Variants in USP11 observed in about 807,000 individuals in gnomAD.
USP11 encodes the protein ubiquitin carboxyl-terminal hydrolase 11.
In USP11, 5 loss-of-function variants were observed where a neutral mutation model predicts 72.8. The ratio of observed to expected loss-of-function variants is 0.07; its 90% CI spans 0.04 to 0.14. The LOEUF (loss-of-function observed/expected upper bound fraction) is 0.14. USP11 is among the 10% of genes least tolerant of loss of function. USP11 has a pLI of 1.00. For missense variants in USP11, 480 were observed against 794.7 expected (o/e 0.60, Z 4.76); for synonymous variants, 368 against 326.5 (o/e 1.13, Z -1.37).
In USP11 at chrX:47,237,775, G is replaced by GGTGTGT. The variant is rs1428419266; in HGVS notation, c.177-1290_177-1285dup. 2.5e-3 allele frequency among the ~76,000 whole-genome samples: 252 copies of GGTGTGT among 99,193 alleles called. 3 individuals carry two copies. Among genetic ancestry groups the GGTGTGT allele is most frequent in the African/African-American group, 9.8e-3 (242 of 24,817 alleles). 86.1% of individuals were successfully genotyped at this position (99,193 alleles called of 115,157 possible). On this transcript the variant is annotated intron_variant, in intron 1 of 20. Transcript: ENST00000377107. ...GTGTCAGAAATGCCACAGCAGAACA[G>GGTGTGT]GTGTGTGTGTATGTGTGTGTGTGTG... is the stretch of plus-strand genomic sequence containing the variant.
chrX:47,246,993 C>T, intron 17 of USP11, 79 bp from the exon 18 acceptor site: 1 of 1,109,404 alleles, frequency 9.0e-7, no homozygotes, highest in Admixed American at 3.2e-5. Flanking sequence ...TGTACTCCAG[C>T]CTGGGCAACA....
intron 2 of USP11, 72 bp from the exon 3 acceptor site, chrX:47,239,279 T>C: frequency 8.4e-7 from 1 of 1,183,438 alleles, no homozygotes; most frequent in Non-Finnish European, 1.1e-6. Flanking sequence ...AGGTCACTGG[T>C]GGGGTGGCCA....
At chrX:47,242,338 G>A in intron 10 of USP11, 32 bp downstream of exon 10, 2 of 1,205,386 alleles carry the variant, frequency 1.7e-6, no homozygotes, top group African/African-American at 1.7e-5. Context: ...GGGAGATGAT[G>A]ATGGACACAT....
chrX:47,233,597 G>A (rs1602705315), intron 1 of USP11: 4 of 790,429 alleles, frequency 5.1e-6, no homozygotes, highest in South Asian at 5.7e-5. Flanking sequence ...TTGGGGGCGA[G>A]GAGCGGTTTC....
chrX:47,247,951 G>GA lies in USP11; in HGVS notation c.*37dup, dbSNP rs752228966. On this transcript the variant is annotated 3_prime_UTR_variant, in exon 21 of 21. Transcript: ENST00000377107. ...ATTGAGAGCCCTGGGTCCTGCCACAGAAAAAAAAAAAAAAAAGCCCTCTCT... is the reference window on the plus strand; with the variant it reads ...ATTGAGAGCCCTGGGTCCTGCCACAGAAAAAAAAAAAAAAAAAGCCCTCTCT... 0.05 allele frequency: 45,891 copies of GA among 924,940 alleles called. 18 individuals carry two copies. The highest frequency in any genetic ancestry group is 0.056 in the South Asian group (2,067 of 36,626). The allele number at this position is 924,940 out of a possible 1,213,427, so 76.2% of individuals were successfully genotyped here.
chrX:47,241,700 G>A lies in USP11; in HGVS notation c.1179+1G>A, dbSNP rs1293508416. 8.5e-7 allele frequency: 1 copy of A among 1,180,726 alleles called. No homozygotes were observed. The highest frequency in any genetic ancestry group is 1.1e-6 in the Non-Finnish European group (1 of 883,259). ...CGATGCTGCTGGGCGACCGGATCAG[G>A]TAGGCTGCCCCCGCATTTGCAGTCC... On this transcript the variant is annotated splice_donor_variant, in intron 9 of 20. Transcript: ENST00000377107. LOFTEE classifies it high-confidence loss of function.
At chrX:47,241,094 CA>C in intron 7 of USP11, 182 bp from the exon 8 acceptor site, 1 of 563,488 alleles carries the variant, frequency 1.8e-6, no homozygotes, top group Non-Finnish European at 2.8e-6. Flanking sequence ...TCCCTGTTCC[CA>C]CGTTCTTCCT....
At chrX:47,237,688 A>G (rs1485561073) in intron 1 of USP11, among the ~76,000 whole-genome samples, 2 of 111,035 alleles carry the variant, frequency 1.8e-5, no homozygotes, top group Non-Finnish European at 3.8e-5. Flanking sequence ...ATTTCATCAA[A>G]TTTGGTTATT....
At position 47,247,061 on chromosome X, in the gene USP11, T is replaced by G; in HGVS notation, c.2271-11T>G. 8.4e-7 allele frequency: 1 copy of G among 1,189,879 alleles called. No homozygotes were observed. The highest frequency in any genetic ancestry group is 1.1e-6 in the Non-Finnish European group (1 of 888,448). ...AAAAAGTCCGTTTGCTGACTCGGGC[T>G]CTGTCTGTAGGTACTGCCCTTCCTG... On this transcript the variant is annotated splice_polypyrimidine_tract_variant and intron_variant, in intron 17 of 20. Transcript: ENST00000377107.
At chrX:47,242,993 G>A (rs918371039) in intron 12 of USP11, among the ~76,000 whole-genome samples, 5 of 112,035 alleles carry the variant, frequency 4.5e-5, no homozygotes, top group Admixed American at 9.4e-5. Context: ...GCCGGGCGCG[G>A]TGGCTCACGC....
At chrX:47,237,695 TA>T (rs2055379056) in intron 1 of USP11, among the ~76,000 whole-genome samples, 1 of 111,391 alleles carries the variant, frequency 9.0e-6, no homozygotes, top group Admixed American at 9.6e-5. Context: ...CAAATTTGGT[TA>T]TTTTTTAAAA....
chrX:47,238,939 T>A, intron 1 of USP11, 131 bp from the exon 2 acceptor site: 1 of 443,273 alleles, frequency 2.3e-6, no homozygotes, highest in Non-Finnish European at 3.8e-6. Flanking sequence ...TCGAATTTAT[T>A]TTTATATGAT....
chrX:47,237,775 G>GGT lies in USP11; in HGVS notation c.177-1286_177-1285dup, dbSNP rs1428419266. On this transcript the variant is annotated intron_variant, in intron 1 of 20. Coordinates refer to ENST00000377107, the MANE Select transcript of USP11 (RefSeq NM_001371072.1). Reference sequence around the variant, plus strand: ...GTGTCAGAAATGCCACAGCAGAACAGGTGTGTGTGTATGTGTGTGTGTGTG... The same window carrying GGT: ...GTGTCAGAAATGCCACAGCAGAACAGGTGTGTGTGTGTATGTGTGTGTGTGTG... Among the ~76,000 whole-genome samples the GGT allele has an allele frequency of 9.9e-3, 982 of 99,180 alleles. 18 individuals carry two copies. Among genetic ancestry groups the GGT allele is most frequent in the African/African-American group, 0.037 (913 of 24,809 alleles). 86.1% of individuals were successfully genotyped at this position (99,180 alleles called of 115,157 possible).
intron 17 of USP11, 56 bp from the exon 18 acceptor site, chrX:47,247,016 G>A (rs2055437322): frequency 1.8e-6 from 2 of 1,126,538 alleles, no homozygotes; most frequent in Non-Finnish European, 1.2e-6. Context: ...GCGATTCTCT[G>A]TCTCAAAAAA....
At position 47,248,181 on chromosome X, in the gene USP11, T is replaced by C; in HGVS notation, c.*251T>C. The C allele has an allele frequency of 2.5e-6, 1 of 395,110 alleles. No individual in the cohort carries two copies. Among genetic ancestry groups the C allele is most frequent in the Middle Eastern group, 7.2e-4 (1 of 1,381 alleles). 32.6% of individuals were successfully genotyped at this position (395,110 alleles called of 1,213,427 possible). A position where few individuals can be genotyped will look rare whatever the true frequency, so the allele number is the denominator to read the frequency against. On this transcript the variant is annotated 3_prime_UTR_variant, in exon 21 of 21. Coordinates refer to ENST00000377107, the MANE Select transcript of USP11 (RefSeq NM_001371072.1). ...AGTGACCCTCCCTTCTAGTCTTTAT[T>C]TATGGTCGTGCCCTTCCCTCTCCTC...
At chrX:47,245,139 T>C in intron 16 of USP11, 53 bp downstream of exon 16, 1 of 1,165,408 alleles carries the variant, frequency 8.6e-7, no homozygotes, top group Non-Finnish European at 1.2e-6. Flanking sequence ...CCCTCAACTC[T>C]TCGTACATCC....
At chrX:47,245,338 G>A (rs1290658900) in intron 16 of USP11, 32 bp from the exon 17 acceptor site, 11 of 1,158,080 alleles carry the variant, frequency 9.5e-6, no homozygotes, top group African/African-American at 3.6e-5. Context: ...CCTCACAGCC[G>A]GCCATCTGGT....
intron 1 of USP11, among the ~76,000 whole-genome samples, chrX:47,234,308 A>G (rs2055361372): frequency 8.9e-6 from 1 of 112,167 alleles, no homozygotes; most frequent in Admixed American, 9.4e-5. Context: ...ACTAAATGCA[A>G]CATGTGATCC....
intron 19 of USP11, 51 bp downstream of exon 19, chrX:47,247,470 G>C (rs770369217): frequency 8.0e-5 from 95 of 1,180,611 alleles, no homozygotes; most frequent in Non-Finnish European, 1.1e-4. Flanking sequence ...TGGGCAGGGG[G>C]GCGATCAGGA....
Sources: gnomAD v4.1 joint callset for allele counts (sites outside exome capture counted in the v4.1 genomes callset) on GRCh38, gnomAD v4.1.1 for gene constraint, MANE v1.5 for transcripts, NCBI Gene and HGNC (gene_info 2026-07-23, HGNC 2026-07-21) for gene names.